The following GPHN variants were observed in gnomAD, a reference collection of about 807,000 sequenced individuals.
GPHN encodes gephyrin.
Under a neutral mutation model 95.5 loss-of-function variants are expected in GPHN, and 17 were observed. The observed-to-expected ratio is 0.18, with a 90% CI of 0.12 to 0.27. GPHN has a LOEUF of 0.27. Ranked by LOEUF, GPHN falls within the 10% of genes least tolerant of loss-of-function variation. The probability of loss-of-function intolerance (pLI) is 1.00; values close to 1 mark genes in which losing one functional copy is unlikely to be tolerated. For missense variants in GPHN, 660 were observed against 978.1 expected (o/e 0.67, Z 4.34); for synonymous variants, 320 against 322.5 (o/e 0.99, Z 0.08).
chr14:66,778,758 A>G (rs1217754583), intron 3 of GPHN, among the ~76,000 whole-genome samples: 3 of 89,926 alleles, frequency 3.3e-5, no homozygotes, highest in African/African-American at 1.4e-4. Flanking sequence ...TTTTTTTGAG[A>G]CAGTCTCGCT....
chr14:67,012,748 A>G (rs2073080896), intron 9 of GPHN, among the ~76,000 whole-genome samples: 1 of 152,288 alleles, frequency 6.6e-6, no homozygotes, highest in South Asian at 2.1e-4. Flanking sequence ...TCAACAAAAC[A>G]TTTGAGCCTT....
At chr14:67,401,290 C>T in the GPHN span, among the ~76,000 whole-genome samples, 1 of 151,730 alleles carries the variant, frequency 6.6e-6, no homozygotes, top group African/African-American at 2.4e-5. Context: ...AGTTTGAGGC[C>T]AGCCTCAGCA....
chr14:66,989,529 G>A (rs981985008), intron 9 of GPHN, among the ~76,000 whole-genome samples: 4 of 151,044 alleles, frequency 2.6e-5, no homozygotes, highest in African/African-American at 7.3e-5. Context: ...TTCAACACCT[G>A]TACTACTATA....
At chr14:66,825,991 A>G (rs564089704) in intron 4 of GPHN, among the ~76,000 whole-genome samples, 143 of 152,060 alleles carry the variant, frequency 9.4e-4, no homozygotes, top group Non-Finnish European at 1.7e-3. Context: ...TAAGATATGG[A>G]TTTTTGGAGT....
chr14:67,386,351 T>C, the GPHN span: 58 of 152,400 alleles, frequency 3.8e-4, no homozygotes, highest in African/African-American at 1.3e-3. Context: ...AGAACAAATT[T>C]TTACTTAAGC....
the GPHN span, among the ~76,000 whole-genome samples, chr14:67,243,539 C>T: frequency 7.3e-6 from 1 of 137,028 alleles, no homozygotes; most frequent in Non-Finnish European, 1.5e-5. Flanking sequence ...GTCGCCCAGG[C>T]TGGAGTGCAG....
intron 12 of GPHN, among the ~76,000 whole-genome samples, chr14:67,096,701 C>T (rs2077411585): frequency 7.1e-6 from 1 of 141,452 alleles, no homozygotes; most frequent in African/African-American, 2.7e-5. Flanking sequence ...CTAAAACCTC[C>T]ACTCCCCACC....
chr14:67,187,302 C>G, the GPHN span, among the ~76,000 whole-genome samples: 1 of 152,302 alleles, frequency 6.6e-6, no homozygotes, highest in East Asian at 1.9e-4. Context: ...TTTCTGCCTC[C>G]TACACTTGTT....
the GPHN span, among the ~76,000 whole-genome samples, chr14:67,512,053 A>G: frequency 6.6e-6 from 1 of 152,234 alleles, no homozygotes; most frequent in Non-Finnish European, 1.5e-5. Context: ...AAATTCTGGT[A>G]CGTAAATTCT....
chr14:67,191,519 A>G, the GPHN span, among the ~76,000 whole-genome samples: 1 of 152,132 alleles, frequency 6.6e-6, no homozygotes, highest in Non-Finnish European at 1.5e-5. Flanking sequence ...CCCCTTCCCA[A>G]TGGCCATGAA....
intron 17 of GPHN, among the ~76,000 whole-genome samples, chr14:67,131,470 A>G (rs959459762): frequency 1.3e-5 from 2 of 152,184 alleles, no homozygotes; most frequent in Admixed American, 6.5e-5. Flanking sequence ...TTTCAATTAT[A>G]CAACAGTCCA....
At chr14:67,325,557 CAA>C in the GPHN span, among the ~76,000 whole-genome samples, 585 of 152,194 alleles carry the variant, frequency 3.8e-3, 4 homozygotes, top group African/African-American at 0.013. Flanking sequence ...CACAATATAA[CAA>C]GAGAAACGAG....
chr14:67,644,370 T>C, the GPHN span, among the ~76,000 whole-genome samples: 2 of 152,198 alleles, frequency 1.3e-5, no homozygotes, highest in African/African-American at 4.8e-5. Flanking sequence ...ATTAGATGGT[T>C]TGTCTTCAGT....
At chr14:66,995,295 A>G (rs144901514) in intron 9 of GPHN, among the ~76,000 whole-genome samples, 71 of 152,316 alleles carry the variant, frequency 4.7e-4, no homozygotes, top group African/African-American at 1.6e-3. Context: ...TAAAATAGCT[A>G]TTTTTAAAAA....
the GPHN span, among the ~76,000 whole-genome samples, chr14:67,634,753 A>G: frequency 6.6e-6 from 1 of 152,228 alleles, no homozygotes; most frequent in African/African-American, 2.4e-5. Flanking sequence ...TGTTATTTTA[A>G]TATCCAAAAT....
the GPHN span, among the ~76,000 whole-genome samples, chr14:67,345,274 G>A: frequency 6.6e-6 from 1 of 150,780 alleles, no homozygotes; most frequent in Non-Finnish European, 1.5e-5. Context: ...TTAAAAGTAG[G>A]GGCCAGGTGC....
intron 11 of GPHN, 31 bp downstream of exon 11, chr14:67,058,817 T>A (rs1567272889): frequency 1.3e-6 from 2 of 1,596,092 alleles, no homozygotes; most frequent in Non-Finnish European, 1.7e-6. Flanking sequence ...TGCCCTTTCT[T>A]TTCTTCATTT....
At chr14:67,373,364 A>T in the GPHN span, among the ~76,000 whole-genome samples, 1 of 152,208 alleles carries the variant, frequency 6.6e-6, no homozygotes, top group African/African-American at 2.4e-5. Flanking sequence ...TCAGAATCTG[A>T]AATAAAATCA....
the GPHN span, among the ~76,000 whole-genome samples, chr14:67,538,496 C>G: frequency 6.6e-6 from 1 of 152,174 alleles, no homozygotes; most frequent in African/African-American, 2.4e-5. Flanking sequence ...TCTGCTCATC[C>G]TTGTGCATTT....
Sources: gnomAD v4.1 joint callset for allele counts (sites outside exome capture counted in the v4.1 genomes callset) on GRCh38, gnomAD v4.1.1 for gene constraint, MANE v1.5 for transcripts, NCBI Gene and HGNC (gene_info 2026-07-23, HGNC 2026-07-21) for gene names.